Variants in NPR3 observed in about 807,000 individuals in gnomAD.
NPR3 encodes the protein natriuretic peptide receptor 3, also known as atrial natriuretic peptide receptor 3.
A neutral mutation model predicts 54.5 loss-of-function variants in NPR3; 34 were observed. That is an observed-to-expected ratio of 0.62 (90% CI 0.47 to 0.83). NPR3 has a LOEUF of 0.83. NPR3 is among the 40% of genes least tolerant of loss of function. NPR3 has a pLI of 0.00. For missense variants in NPR3, 674 were observed against 720.8 expected, an observed-to-expected ratio of 0.94 and a Z score of 0.74; for synonymous variants, 289 against 297.1, an observed-to-expected ratio of 0.97 and a Z score of 0.28.
chr5:32,732,677 A>T (rs889335766), intron 2 of NPR3, among the ~76,000 whole-genome samples: 1 of 152,176 alleles, frequency 6.6e-6, no homozygotes, highest in Non-Finnish European at 1.5e-5. Flanking sequence ...GCTATACATC[A>T]GTAGTAAAGG....
intron 3 of NPR3, among the ~76,000 whole-genome samples, chr5:32,743,987 ATTTTTTTTTT>A (rs199604802): frequency 9.7e-5 from 11 of 113,832 alleles, no homozygotes; most frequent in Non-Finnish European, 1.8e-4. Context: ...ATTCTGATGC[ATTTTTTTTTT>A]TTTTTTTTTT....
upstream of NPR3, chr5:32,710,859 G>GTTTGTTT (rs1554012170): frequency 8.2e-6 from 8 of 979,764 alleles, 1 homozygote; most frequent in African/African-American, 1.7e-4. Flanking sequence ...CCCAGTCCTG[G>GTTTGTTT]TTTTTTTTTT....
At chr5:32,739,748 C>T (rs1484258765) in intron 3 of NPR3, among the ~76,000 whole-genome samples, 2 of 152,194 alleles carry the variant, frequency 1.3e-5, no homozygotes, top group Non-Finnish European at 2.9e-5. Flanking sequence ...TGCTACATGG[C>T]CAACATGCCA....
At chr5:32,739,118 G>A (rs1739907702) in intron 3 of NPR3, 88 bp downstream of exon 3, 29 of 1,348,830 alleles carry the variant, frequency 2.2e-5, no homozygotes, top group Non-Finnish European at 2.8e-5. Context: ...CCCATTCTGA[G>A]CCATTCAAAA....
rs1358372726 is a variant in NPR3, at chr5:32,712,415, C to T, written c.639C>T (p.Cys213=). Residue 213 remains cysteine (C), a synonymous_variant, in exon 1 of 8, where the codon TGC becomes TGT. Transcript: ENST00000265074. ...GCGACGACAAGCTGGAGCGGAACTG[C>T]TACTTCACCCTCGAGGGGGTCCACG... ...VYSDDKLERN[C]YFTLEGVHEV... 1.2e-6 allele frequency: 2 copies of T among 1,613,144 alleles called. No homozygotes were observed. The highest frequency in any genetic ancestry group is 1.7e-6 in the Non-Finnish European group (2 of 1,179,608).
At chr5:32,702,514 G>GT (rs895566972) in intron 1 of NPR3, among the ~76,000 whole-genome samples, 3 of 148,216 alleles carry the variant, frequency 2.0e-5, no homozygotes, top group Admixed American at 6.8e-5. Flanking sequence ...GCGGTGTTTG[G>GT]TTTTTTTTGT....
intron 1 of NPR3, among the ~76,000 whole-genome samples, chr5:32,723,029 G>T (rs180717682): frequency 6.6e-6 from 1 of 152,062 alleles, no homozygotes. Context: ...ATTAACGTGC[G>T]CAGTAAACTA....
chr5:32,722,966 G>T (rs1362156147), intron 1 of NPR3, among the ~76,000 whole-genome samples: 1 of 152,072 alleles, frequency 6.6e-6, no homozygotes, highest in African/African-American at 2.4e-5. Flanking sequence ...CTTTTATGCT[G>T]TACACCGAGC....
intron 2 of NPR3, among the ~76,000 whole-genome samples, chr5:32,733,378 A>G (rs1295944372): frequency 6.6e-6 from 1 of 152,246 alleles, no homozygotes; most frequent in Non-Finnish European, 1.5e-5. Flanking sequence ...AAGTCTAGAA[A>G]GAAGATAATA....
chr5:32,742,049 G>A (rs921529391), intron 3 of NPR3, among the ~76,000 whole-genome samples: 3 of 151,766 alleles, frequency 2.0e-5, no homozygotes, highest in South Asian at 2.1e-4. Flanking sequence ...TGTGGTGCGG[G>A]AGCCTGTAGG....
At position 32,770,559 on chromosome 5, in the gene NPR3, G is replaced by A. The variant is rs528769337; in HGVS notation, c.1060-4149G>A. Among the ~76,000 whole-genome samples the A allele has an allele frequency of 5.6e-4, 85 of 152,286 alleles. 1 individual carries two copies. Among genetic ancestry groups the A allele is most frequent in the African/African-American group, 1.9e-3 (81 of 41,570 alleles). On this transcript the variant is annotated intron_variant, in intron 3 of 7. Coordinates refer to ENST00000265074, the MANE Select transcript of NPR3 (RefSeq NM_001204375.2). ...GAAGATGGTGAATGATTTTCATCTC[G>A]TTGAAAGGCCACTTTATTTGATAAA...
intron 1 of NPR3, chr5:32,716,834 T>A (rs950229801): frequency 2.0e-5 from 3 of 153,840 alleles, no homozygotes; most frequent in African/African-American, 7.2e-5. Flanking sequence ...TTCTTTATTT[T>A]AAATCTCCTG....
intron 3 of NPR3, among the ~76,000 whole-genome samples, chr5:32,740,125 A>G (rs552867176): frequency 7.2e-5 from 11 of 152,208 alleles, no homozygotes; most frequent in Non-Finnish European, 1.6e-4. Flanking sequence ...ACTTCATAAG[A>G]GATGGCCACT....
In NPR3 at chr5:32,788,079, G is replaced by A. The variant is rs1742727006; in HGVS notation, c.*1734G>A. The A allele has an allele frequency of 1.3e-5, 2 of 152,250 alleles. No homozygotes were observed. The highest frequency in any genetic ancestry group is 1.9e-4 in the East Asian group (1 of 5,172). 9.4% of individuals were successfully genotyped at this position (152,250 alleles called of 1,614,324 possible). ...TGTGAGTGCTTCCCTGGAGAAGTCC[G>A]CTTCTGTTGCTCCCACCTGAGTCAC... On this transcript the variant is annotated 3_prime_UTR_variant, in exon 8 of 8. Coordinates refer to ENST00000265074, the MANE Select transcript of NPR3 (RefSeq NM_001204375.2).
intron 1 of NPR3, among the ~76,000 whole-genome samples, chr5:32,695,369 A>C (rs1366159734): frequency 6.6e-6 from 1 of 152,122 alleles, no homozygotes; most frequent in African/African-American, 2.4e-5. Context: ...GGTTCACGCC[A>C]TTCTCCTGCC....
chr5:32,763,596 G>T (rs1049969929), intron 3 of NPR3, among the ~76,000 whole-genome samples: 5 of 151,734 alleles, frequency 3.3e-5, no homozygotes, highest in African/African-American at 1.2e-4. Context: ...TTACAGACCT[G>T]AGCCATTGTG....
chr5:32,746,768 CT>C (rs1481495232), intron 3 of NPR3, among the ~76,000 whole-genome samples: 2 of 152,272 alleles, frequency 1.3e-5, no homozygotes, highest in East Asian at 3.9e-4. Context: ...GCTTATTTGG[CT>C]TTTCTGGCCT....
At chr5:32,764,656 C>T (rs1034559628) in intron 3 of NPR3, among the ~76,000 whole-genome samples, 2 of 151,412 alleles carry the variant, frequency 1.3e-5, no homozygotes, top group East Asian at 1.9e-4. Context: ...GGCGTGGTGG[C>T]GGGTGCCTGT....
upstream of NPR3, among the ~76,000 whole-genome samples, chr5:32,707,832 G>A (rs1223570239): frequency 6.6e-6 from 1 of 152,066 alleles, no homozygotes. Context: ...ACACTTCAAA[G>A]AATCACATGT....
Sources: allele counts gnomAD v4.1 joint callset (sites outside exome capture counted in the v4.1 genomes callset), GRCh38; gene constraint gnomAD v4.1.1; transcripts MANE v1.5; gene names NCBI Gene and HGNC (gene_info 2026-07-23, HGNC 2026-07-21).